The following PLEKHB2 variants were observed in gnomAD, a reference collection of about 807,000 sequenced individuals.
The protein encoded by PLEKHB2 is pleckstrin homology domain-containing family B member 2.
Under a neutral mutation model 36.5 loss-of-function variants are expected in PLEKHB2, and 31 were observed. That is an observed-to-expected ratio of 0.85 (90% CI 0.64 to 1.15). PLEKHB2 has a LOEUF of 1.15. Ranked by LOEUF, PLEKHB2 falls within the 50% of genes most tolerant of loss-of-function variation. PLEKHB2 has a pLI of 0.00. For missense variants in PLEKHB2, 262 were observed against 295.3 expected, an observed-to-expected ratio of 0.89 and a Z score of 0.83; for synonymous variants, 119 against 112.0, an observed-to-expected ratio of 1.06 and a Z score of -0.39.
intron 7 of PLEKHB2, among the ~76,000 whole-genome samples, chr2:131,141,564 C>T (rs1027610666): frequency 7.4e-5 from 11 of 148,258 alleles, no homozygotes; most frequent in African/African-American, 2.0e-4. Context: ...GGCATGAACC[C>T]GGGAGGCGGA....
At chr2:131,126,644 A>G (rs1165708878) in intron 3 of PLEKHB2, 40 bp from the exon 4 acceptor site, 3 of 1,155,088 alleles carry the variant, frequency 2.6e-6, no homozygotes, top group South Asian at 1.2e-5. Flanking sequence ...GTAAGAAGAA[A>G]TCCTGAAAAA....
At chr2:131,105,901 A>G (rs2104744689) in intron 1 of PLEKHB2, among the ~76,000 whole-genome samples, 1 of 152,192 alleles carries the variant, frequency 6.6e-6, no homozygotes, top group Middle Eastern at 3.4e-3. Context: ...CCTCTGCTCC[A>G]GGGAACTTGC....
intron 2 of PLEKHB2, 37 bp downstream of exon 2, chr2:131,121,015 C>T (rs749582154): frequency 2.4e-5 from 38 of 1,600,278 alleles, no homozygotes; most frequent in South Asian, 3.3e-5. Context: ...TCGGCATTGC[C>T]GAAGGGCAGT....
At chr2:131,124,273 C>T (rs978186559) in intron 2 of PLEKHB2, among the ~76,000 whole-genome samples, 3 of 152,074 alleles carry the variant, frequency 2.0e-5, no homozygotes, top group African/African-American at 4.8e-5. Flanking sequence ...GCAGGAAAGC[C>T]GAATGGCGCA....
chr2:131,133,162 T>C, intron 6 of PLEKHB2, 171 bp downstream of exon 6: 1 of 604,306 alleles, frequency 1.7e-6, no homozygotes, highest in Non-Finnish European at 3.0e-6. Flanking sequence ...CTATTTTATA[T>C]AGTTCAGCAC....
At chr2:131,118,315 G>A (rs1490430159) in intron 1 of PLEKHB2, among the ~76,000 whole-genome samples, 1 of 152,088 alleles carries the variant, frequency 6.6e-6, no homozygotes, top group African/African-American at 2.4e-5. Context: ...TTCGTTTCTT[G>A]GTAAGGACAG....
intron 1 of PLEKHB2, among the ~76,000 whole-genome samples, chr2:131,115,317 C>A (rs1329188883): frequency 6.7e-6 from 1 of 148,454 alleles, no homozygotes; most frequent in African/African-American, 2.5e-5. Context: ...AGGAATAAAG[C>A]CAAACCATTA....
intron 4 of PLEKHB2, among the ~76,000 whole-genome samples, chr2:131,128,755 G>A (rs1345753224): frequency 6.6e-6 from 1 of 152,144 alleles, no homozygotes; most frequent in East Asian, 1.9e-4. Flanking sequence ...AGATATGTTA[G>A]ACTAAAAAAA....
At chr2:131,119,317 C>T (rs1696222669) in intron 1 of PLEKHB2, among the ~76,000 whole-genome samples, 2 of 152,046 alleles carry the variant, frequency 1.3e-5, no homozygotes, top group African/African-American at 4.8e-5. Flanking sequence ...GGTAATGGGA[C>T]CAATCACCCT....
chr2:131,123,910 G>A (rs369014518), intron 2 of PLEKHB2, among the ~76,000 whole-genome samples: 3 of 150,688 alleles, frequency 2.0e-5, no homozygotes, highest in East Asian at 2.0e-4. Flanking sequence ...GTGCAGTGGC[G>A]TGATAACTGC....
At chr2:131,134,175 A>G (rs1159392845) in intron 6 of PLEKHB2, among the ~76,000 whole-genome samples, 2 of 151,312 alleles carry the variant, frequency 1.3e-5, no homozygotes, top group East Asian at 3.9e-4. Context: ...CTGGGATTAC[A>G]GGTGTCAGCC....
At chr2:131,131,721 C>G (rs896521022) in intron 5 of PLEKHB2, among the ~76,000 whole-genome samples, 2 of 150,626 alleles carry the variant, frequency 1.3e-5, no homozygotes, top group African/African-American at 2.5e-5. Flanking sequence ...TAAGCTTACT[C>G]TACAGCCGCA....
intron 1 of PLEKHB2, among the ~76,000 whole-genome samples, chr2:131,109,167 T>C (rs1199057881): frequency 6.6e-6 from 1 of 152,174 alleles, no homozygotes; most frequent in East Asian, 1.9e-4. Flanking sequence ...ACCTCGTCTC[T>C]ACAAAAACAA....
chr2:131,113,225 G>T (rs1012687738), intron 1 of PLEKHB2, among the ~76,000 whole-genome samples: 1 of 152,114 alleles, frequency 6.6e-6, no homozygotes, highest in African/African-American at 2.4e-5. Flanking sequence ...GGGACTACAG[G>T]TGTGTGCCAC....
intron 7 of PLEKHB2, among the ~76,000 whole-genome samples, chr2:131,141,738 C>G (rs1026640900): frequency 6.6e-6 from 1 of 151,678 alleles, no homozygotes; most frequent in Non-Finnish European, 1.5e-5. Flanking sequence ...TACAGTAAGT[C>G]CTCACTTAAC....
At chr2:131,141,588 C>T (rs1292081338) in intron 7 of PLEKHB2, among the ~76,000 whole-genome samples, 2 of 148,048 alleles carry the variant, frequency 1.4e-5, no homozygotes, top group East Asian at 2.0e-4. Context: ...TGCAGTGAGC[C>T]GACATCGTGT....
intron 6 of PLEKHB2, among the ~76,000 whole-genome samples, chr2:131,139,480 G>A (rs962991966): frequency 1.3e-5 from 2 of 152,174 alleles, no homozygotes; most frequent in Admixed American, 1.3e-4. Context: ...CCTTATCAGA[G>A]CACTTGTCAC....
intron 1 of PLEKHB2, 55 bp downstream of exon 1, chr2:131,105,453 G>C (rs1694595350): frequency 6.5e-6 from 1 of 152,816 alleles, no homozygotes; most frequent in Admixed American, 6.5e-5. Flanking sequence ...TCTGGCCCGC[G>C]CCTCTCCAGA....
chr2:131,107,357 CTTG>C (rs1164015178), intron 1 of PLEKHB2: 5 of 152,198 alleles, frequency 3.3e-5, no homozygotes, highest in African/African-American at 1.2e-4. Flanking sequence ...TTGTATTAGG[CTTG>C]TTGTTAAGAA....
Sources: gnomAD v4.1 joint callset for allele counts (sites outside exome capture counted in the v4.1 genomes callset) on GRCh38, gnomAD v4.1.1 for gene constraint, MANE v1.5 for transcripts, NCBI Gene and HGNC (gene_info 2026-07-23, HGNC 2026-07-21) for gene names.